MED12L: variants seen among roughly 807,000 people sequenced by gnomAD.
MED12L encodes the protein mediator of RNA polymerase II transcription subunit 12-like protein.
Under a neutral mutation model 281.3 loss-of-function variants are expected in MED12L, and 60 were observed. That is an observed-to-expected ratio of 0.21 (90% CI 0.17 to 0.26). The LOEUF (loss-of-function observed/expected upper bound fraction) is 0.26. MED12L is among the 10% of genes least tolerant of loss of function. MED12L has a pLI of 1.00. For synonymous variants in MED12L, 974 were observed against 987.2 expected, an observed-to-expected ratio of 0.99 and a Z score of 0.25; for missense variants, 2,146 against 2,680.9, an observed-to-expected ratio of 0.80 and a Z score of 4.41.
intron 2 of MED12L, among the ~76,000 whole-genome samples, chr3:151,096,908 C>T (rs1560041749): frequency 6.6e-6 from 1 of 152,226 alleles, no homozygotes; most frequent in South Asian, 2.1e-4. Flanking sequence ...CAATTTAGGG[C>T]ACCCGGTGCC....
At chr3:151,348,573 CTT>C (rs542135245) in intron 16 of MED12L, among the ~76,000 whole-genome samples, 41 of 132,246 alleles carry the variant, frequency 3.1e-4, no homozygotes, top group Admixed American at 3.1e-4. Flanking sequence ...CTCCTAGCTT[CTT>C]TTTTTTTTTT....
At chr3:151,399,101 C>G (rs1041163123) in intron 39 of MED12L, among the ~76,000 whole-genome samples, 2 of 152,112 alleles carry the variant, frequency 1.3e-5, no homozygotes, top group Non-Finnish European at 2.9e-5. Flanking sequence ...TTAGATGGGA[C>G]TCAGTACAAT....
chr3:151,216,920 G>A lies in MED12L; in HGVS notation c.2250+23254G>A, dbSNP rs532987760. Among the ~76,000 whole-genome samples, 26 of 152,246 alleles carry A rather than the reference G, an allele frequency of 1.7e-4. 1 individual carries two copies. In the South Asian group the frequency reaches 5.2e-3, roughly 30 times the overall value. Reference sequence around the variant, plus strand: ...TAAATGCCAGTCTTGCAGAGCTTGAGAGAATGCATGCTGCTGTATTCCCAG... The same window carrying A: ...TAAATGCCAGTCTTGCAGAGCTTGAAAGAATGCATGCTGCTGTATTCCCAG... On this transcript the variant is annotated intron_variant, in intron 16 of 44. Transcript: ENST00000687756.
intron 16 of MED12L, among the ~76,000 whole-genome samples, chr3:151,225,741 C>T (rs1312186738): frequency 6.6e-6 from 1 of 152,100 alleles, no homozygotes; most frequent in African/African-American, 2.4e-5. Context: ...AGAAGGAACT[C>T]TCCCACCCCC....
chr3:151,184,191 A>C (rs989876449), intron 11 of MED12L, among the ~76,000 whole-genome samples: 2 of 152,222 alleles, frequency 1.3e-5, no homozygotes, highest in Non-Finnish European at 2.9e-5. Flanking sequence ...ATGATGAATA[A>C]AAATCTTGGA....
In MED12L at chr3:151,329,100, TA is replaced by T. The variant is rs369369502; in HGVS notation, c.2251-20958del. On this transcript the variant is annotated intron_variant, in intron 16 of 44. Coordinates refer to ENST00000687756, the MANE Select transcript of MED12L (RefSeq NM_001393769.1). Reference sequence around the variant, plus strand: ...TTTTTAAAAACAGACTTTATGTTTATAGCATATTAACATCCTGCATTTATCC... The same window carrying T: ...TTTTTAAAAACAGACTTTATGTTTATGCATATTAACATCCTGCATTTATCC... The T allele has an allele frequency of 6.8e-6, 6 of 879,474 alleles. No homozygotes were observed. In the African/African-American group the frequency reaches 8.4e-5, roughly 12 times the overall value. The allele number at this position is 879,474 out of a possible 1,614,324, so 54.5% of individuals were successfully genotyped here. A position where few individuals can be genotyped will look rare whatever the true frequency, so the allele number is the denominator to read the frequency against.
At chr3:151,099,986 A>G (rs1356090118) in intron 2 of MED12L, among the ~76,000 whole-genome samples, 2 of 152,200 alleles carry the variant, frequency 1.3e-5, no homozygotes, top group Non-Finnish European at 2.9e-5. Context: ...TTATGGGTAC[A>G]GATACTAAGT....
At chr3:151,112,478 A>G (rs911787132) in intron 2 of MED12L, among the ~76,000 whole-genome samples, 12 of 151,894 alleles carry the variant, frequency 7.9e-5, no homozygotes, top group Non-Finnish European at 1.3e-4. Context: ...ACTCTGGGGG[A>G]GGAGTGAGAT....
At chr3:151,236,809 A>G (rs1732915995) in intron 16 of MED12L, among the ~76,000 whole-genome samples, 1 of 152,312 alleles carries the variant, frequency 6.6e-6, no homozygotes. Flanking sequence ...AAGTATTGCT[A>G]TAATTAATTT....
intron 21 of MED12L, among the ~76,000 whole-genome samples, chr3:151,363,449 G>C (rs555348502): frequency 2.6e-4 from 39 of 152,222 alleles, no homozygotes; most frequent in African/African-American, 9.1e-4. Context: ...ATTTGGGGGA[G>C]ATACAACACT....
intron 11 of MED12L, among the ~76,000 whole-genome samples, chr3:151,171,398 A>G (rs75036711): frequency 0.025 from 3,822 of 152,228 alleles, 61 homozygotes; most frequent in Non-Finnish European, 0.037. Flanking sequence ...CCTCAAGGAC[A>G]TGGATAGAAG....
At chr3:151,317,635 A>G (rs1421807911) in intron 16 of MED12L, among the ~76,000 whole-genome samples, 1 of 151,384 alleles carries the variant, frequency 6.6e-6, no homozygotes, top group Non-Finnish European at 1.5e-5. Context: ...TATTTTTAGT[A>G]GAGACGGGGT....
At chr3:151,392,871 G>C (rs1365522104) in intron 38 of MED12L, among the ~76,000 whole-genome samples, 1 of 152,036 alleles carries the variant, frequency 6.6e-6, no homozygotes, top group Admixed American at 6.6e-5. Context: ...CATAGAGTTA[G>C]GAAAATTTTT....
chr3:151,191,883 G>A (rs1225763852), intron 14 of MED12L, among the ~76,000 whole-genome samples: 3 of 151,652 alleles, frequency 2.0e-5, no homozygotes, highest in African/African-American at 4.9e-5. Flanking sequence ...TCCAGCCTGG[G>A]CAACAAGAGC....
At position 151,218,866 on chromosome 3, in the gene MED12L, CAAAAAAAAAAAAAAAA is replaced by C. The variant is rs397686351; in HGVS notation, c.2250+25216_2250+25231del. Among the ~76,000 whole-genome samples, 113 of 71,370 alleles carry C rather than the reference CAAAAAAAAAAAAAAAA, an allele frequency of 1.6e-3. 1 individual carries two copies. The highest frequency in any genetic ancestry group is 4.4e-3 in the African/African-American group (98 of 22,482). 46.8% of individuals were successfully genotyped at this position (71,370 alleles called of 152,430 possible). A position where few individuals can be genotyped will look rare whatever the true frequency, so the allele number is the denominator to read the frequency against. On this transcript the variant is annotated intron_variant, in intron 16 of 44. Transcript: ENST00000687756. ...TGGGTGACAGAGCAAGACTCAGTCT[CAAAAAAAAAAAAAAAA>C]AAAAAAAAAAAAAAAGAGGGGGGGT...
chr3:151,237,329 C>G (rs867294534), intron 16 of MED12L, among the ~76,000 whole-genome samples: 1 of 143,196 alleles, frequency 7.0e-6, no homozygotes, highest in Non-Finnish European at 1.5e-5. Flanking sequence ...TGAGCCACCA[C>G]GCCTGGCTTT....
At chr3:151,144,852 C>T (rs1239242144) in intron 5 of MED12L, among the ~76,000 whole-genome samples, 1 of 152,216 alleles carries the variant, frequency 6.6e-6, no homozygotes, top group Non-Finnish European at 1.5e-5. Flanking sequence ...CCGCCCCCGA[C>T]ATACCTGCAT....
chr3:151,369,596 A>C (rs757608174), intron 26 of MED12L, 47 bp downstream of exon 26: 1 of 1,215,422 alleles, frequency 8.2e-7, no homozygotes, highest in Non-Finnish European at 1.2e-6. Flanking sequence ...ACCAGAAATG[A>C]AGGCAAAATA....
chr3:151,240,606 GTTTATC>G (rs1733880813), intron 16 of MED12L, among the ~76,000 whole-genome samples: 1 of 151,888 alleles, frequency 6.6e-6, no homozygotes, highest in Admixed American at 6.6e-5. Flanking sequence ...AAATCTAGTT[GTTTATC>G]TTTAAGCATC....
Sources: gnomAD v4.1 joint callset for allele counts (sites outside exome capture counted in the v4.1 genomes callset) on GRCh38, gnomAD v4.1.1 for gene constraint, MANE v1.5 for transcripts, NCBI Gene and HGNC (gene_info 2026-07-23, HGNC 2026-07-21) for gene names.